ZNF670: variants seen among roughly 807,000 people sequenced by gnomAD.
The protein encoded by ZNF670 is zinc finger protein 670.
In ZNF670, 7 loss-of-function variants were observed where a neutral mutation model predicts 10.9. The observed-to-expected ratio is 0.64, with a 90% CI of 0.36 to 1.20. The LOEUF (loss-of-function observed/expected upper bound fraction) is 1.20. Among genes scored for constraint, ZNF670 ranks in the 50% most tolerant of loss-of-function variants. The pLI, the probability that ZNF670 is intolerant of heterozygous loss-of-function variation, is 0.02. For missense variants in ZNF670, 446 were observed against 458.6 expected, an observed-to-expected ratio of 0.97 and a Z score of 0.25; for synonymous variants, 136 against 152.7, an observed-to-expected ratio of 0.89 and a Z score of 0.81.
chr1:247,039,536 T>C lies in ZNF670; in HGVS notation c.5A>G (p.Asp2Gly), dbSNP rs1426998282. 3 of 1,583,534 alleles carry C rather than the reference T, an allele frequency of 1.9e-6. No homozygotes were observed. The African/African-American group carries it at 4.1e-5, about 22-fold the overall frequency. The change falls in exon 2 of 4, where the codon GAT becomes GGT. Residue 2 changes from aspartate to glycine, a missense_variant and splice_region_variant. By Grantham distance (94) the Asp-to-Gly change is moderately conservative. Coordinates refer to ENST00000366503, the MANE Select transcript of ZNF670 (RefSeq NM_033213.5). M[D>G]SVSFEDVAVA... ...AGCCACATCTTCAAATGACACTGAA[T>C]CCTAGAATATCGCACATATGTGGAG...
intron 1 of ZNF670, among the ~76,000 whole-genome samples, chr1:247,070,664 A>G (rs1558347444): frequency 6.6e-6 from 1 of 152,238 alleles, no homozygotes; most frequent in African/African-American, 2.4e-5. Flanking sequence ...GCCTCTACAC[A>G]ACAAGATAAA....
intron 1 of ZNF670, among the ~76,000 whole-genome samples, chr1:247,072,971 T>C (rs969827026): frequency 6.6e-6 from 1 of 151,362 alleles, no homozygotes; most frequent in Non-Finnish European, 1.5e-5. Flanking sequence ...AGCAAAATTC[T>C]GCTTCATGAT....
intron 1 of ZNF670, chr1:247,043,299 G>A (rs1245677914): frequency 1.6e-6 from 1 of 621,622 alleles, no homozygotes. Flanking sequence ...TTTGGTCTGT[G>A]ATAAATCAGT....
intron 1 of ZNF670, among the ~76,000 whole-genome samples, chr1:247,064,782 T>C (rs1445818681): frequency 6.6e-6 from 1 of 152,146 alleles, no homozygotes. Flanking sequence ...GTCTATGCAC[T>C]TTCTTTCTTT....
chr1:247,051,496 T>C (rs1343204063), intron 1 of ZNF670, among the ~76,000 whole-genome samples: 1 of 152,234 alleles, frequency 6.6e-6, no homozygotes, highest in Non-Finnish European at 1.5e-5. Context: ...TGTAATCTGA[T>C]AGGTTTTCCT....
chr1:247,054,208 TG>T (rs1207752105), intron 1 of ZNF670, among the ~76,000 whole-genome samples: 1 of 152,210 alleles, frequency 6.6e-6, no homozygotes, highest in Non-Finnish European at 1.5e-5. Context: ...TAAAGTGCTC[TG>T]CGGCCCTAAA....
intron 1 of ZNF670, among the ~76,000 whole-genome samples, chr1:247,068,956 A>G (rs1319985328): frequency 2.0e-5 from 3 of 150,636 alleles, no homozygotes; most frequent in African/African-American, 5.0e-5. Flanking sequence ...GTTCTCACTT[A>G]TCTGTGGGAT....
chr1:247,048,624 A>G (rs1032499938), intron 1 of ZNF670, among the ~76,000 whole-genome samples: 3 of 152,320 alleles, frequency 2.0e-5, no homozygotes, highest in East Asian at 1.9e-4. Context: ...TCACATTGCT[A>G]TAAGAAAATA....
At chr1:247,070,899 C>G (rs1671099301) in intron 1 of ZNF670, among the ~76,000 whole-genome samples, 2 of 152,190 alleles carry the variant, frequency 1.3e-5, no homozygotes, top group South Asian at 4.1e-4. Context: ...CTCAACATCT[C>G]TAATCATTAG....
At chr1:247,062,840 A>G (rs1377803771) in intron 1 of ZNF670, among the ~76,000 whole-genome samples, 1 of 152,114 alleles carries the variant, frequency 6.6e-6, no homozygotes, top group Middle Eastern at 3.2e-3. Context: ...CCCATACCTC[A>G]GTCTGTCCTC....
chr1:247,050,355 C>T (rs906033756), intron 1 of ZNF670, among the ~76,000 whole-genome samples: 2 of 152,130 alleles, frequency 1.3e-5, no homozygotes, highest in African/African-American at 2.4e-5. Context: ...GCTCCTGCTC[C>T]CTTTTGTTGT....
At chr1:247,063,723 T>G (rs34764574) in intron 1 of ZNF670, among the ~76,000 whole-genome samples, 21,867 of 152,072 alleles carry the variant, frequency 0.14, 1,751 homozygotes, top group South Asian at 0.24. Context: ...AGGTGACACC[T>G]GGGGAGAAAG....
chr1:247,038,937 C>G (rs1670235297), intron 2 of ZNF670, 67 bp from the exon 3 acceptor site: 1 of 1,272,988 alleles, frequency 7.9e-7, no homozygotes, highest in South Asian at 1.3e-5. Context: ...ATTCAAGGTT[C>G]ACTATACACT....
chr1:247,041,174 A>G (rs1003435223), intron 1 of ZNF670, among the ~76,000 whole-genome samples: 2 of 152,224 alleles, frequency 1.3e-5, no homozygotes, highest in Admixed American at 1.3e-4. Context: ...AGACAAAACT[A>G]AAATACGTTC....
chr1:247,077,956 ATAACT>A (rs1246367379), intron 1 of ZNF670, among the ~76,000 whole-genome samples: 1 of 152,202 alleles, frequency 6.6e-6, no homozygotes, highest in African/African-American at 2.4e-5. Flanking sequence ...TTGTAAATTA[ATAACT>A]TAAAGGGAAA....
intron 1 of ZNF670, chr1:247,043,170 T>C: frequency 1.3e-6 from 1 of 783,994 alleles, no homozygotes; most frequent in Admixed American, 1.8e-5. Flanking sequence ...TGCAGATACA[T>C]GTTCTACGTG....
At chr1:247,054,064 A>T (rs1670660566) in intron 1 of ZNF670, among the ~76,000 whole-genome samples, 1 of 152,188 alleles carries the variant, frequency 6.6e-6, no homozygotes, top group African/African-American at 2.4e-5. Context: ...TTTGCATTGG[A>T]ATGTAGTGCT....
intron 1 of ZNF670, among the ~76,000 whole-genome samples, chr1:247,050,027 ATC>A (rs1670554530): frequency 6.6e-6 from 1 of 152,210 alleles, no homozygotes. Context: ...TTCTGTAAAT[ATC>A]TGTTAAGTCC....
intron 1 of ZNF670, among the ~76,000 whole-genome samples, chr1:247,050,709 C>T (rs1230980935): frequency 2.6e-5 from 4 of 151,928 alleles, no homozygotes; most frequent in African/African-American, 7.2e-5. Context: ...CTCCTGACCT[C>T]GTGATCTGCC....
Sources: gnomAD v4.1 joint callset for allele counts (sites outside exome capture counted in the v4.1 genomes callset) on GRCh38, gnomAD v4.1.1 for gene constraint, MANE v1.5 for transcripts, NCBI Gene and HGNC (gene_info 2026-07-23, HGNC 2026-07-21) for gene names.